POLR3A: variants seen among roughly 807,000 people sequenced by gnomAD.
The protein encoded by POLR3A is RNA polymerase III subunit A.
A neutral mutation model predicts 152.8 loss-of-function variants in POLR3A; 112 were observed. The ratio of observed to expected loss-of-function variants is 0.73; its 90% CI spans 0.63 to 0.86. POLR3A has a LOEUF of 0.86. Among genes scored for constraint, POLR3A ranks in the 40% least tolerant of loss-of-function variants. The probability of loss-of-function intolerance (pLI) is 0.00; values close to 1 mark genes in which losing one functional copy is unlikely to be tolerated. For synonymous variants in POLR3A, 615 were observed against 652.1 expected, an observed-to-expected ratio of 0.94 and a Z score of 0.87; for missense variants, 1,385 against 1,743.1, an observed-to-expected ratio of 0.79 and a Z score of 3.66.
chr10:78,013,497 A>G, intron 11 of POLR3A, 153 bp downstream of exon 11: 1 of 735,988 alleles, frequency 1.4e-6, no homozygotes, highest in South Asian at 1.5e-5. Context: ...ACCAATAAAA[A>G]GAGAGATATA....
At position 77,979,468 on chromosome 10, in the gene POLR3A, C is replaced by T. The variant is rs138953615; in HGVS notation, c.4024+673G>A. Among the ~76,000 whole-genome samples, 441 of 152,336 alleles carry T rather than the reference C, an allele frequency of 2.9e-3. 3 individuals carry two copies. Among genetic ancestry groups the T allele is most frequent in the African/African-American group, 0.01 (424 of 41,580 alleles). On this transcript the variant is annotated intron_variant, in intron 30 of 30. Coordinates refer to ENST00000372371, the MANE Select transcript of POLR3A (RefSeq NM_007055.4). Reference sequence around the variant, plus strand: ...AGCTCAGCAGTCAGTGCTGGTCTCACGGAAGAGGCAGGGAAGCCAGACACT... The same window carrying T: ...AGCTCAGCAGTCAGTGCTGGTCTCATGGAAGAGGCAGGGAAGCCAGACACT...
At position 78,009,952 on chromosome 10, in the gene POLR3A, C is replaced by A; in HGVS notation, c.1682G>T (p.Arg561Leu). ...AGCAATGATTTGGCAAGCCTTGGCT[C>A]GATCAAAGAAAGTGTCCTTGAGAGT... ...LLTLKDTFFD[R>L]AKACQIIASI... Residue 561 changes from arginine to leucine, a missense_variant, in exon 13 of 31, where the codon CGA becomes CTA. Physicochemically the swap from Arg to Leu is moderately radical, Grantham distance 102. Transcript: ENST00000372371. 6.2e-7 allele frequency: 1 copy of A among 1,614,010 alleles called. No individual in the cohort carries two copies. Among genetic ancestry groups the A allele is most frequent in the Non-Finnish European group, 8.5e-7 (1 of 1,180,012 alleles).
In POLR3A at chr10:78,025,003, T is replaced by G; in HGVS notation, c.458A>C (p.Lys153Thr). The part of the protein sequence containing the change: ...KKKISDKCRK[K>T]NICHHCGAFN... ...AGCGCCACAGTGATGGCAGATGTTT[T>G]TCTTCCGGCACTTGTCAGAGATTTT... The change falls in exon 4 of 31, where the codon AAA becomes ACA. Residue 153 changes from lysine to threonine, a missense_variant. By Grantham distance (78) the Lys-to-Thr change is moderately conservative. Transcript: ENST00000372371. 3.1e-6 allele frequency: 5 copies of G among 1,614,232 alleles called. No homozygotes were observed. Among genetic ancestry groups the G allele is most frequent in the Non-Finnish European group, 4.2e-6 (5 of 1,180,048 alleles).
rs1478182537 is a variant in POLR3A, at chr10:77,977,478, C to T, written c.4173G>A (p.Ter1391=). 1.2e-6 allele frequency: 2 copies of T among 1,614,060 alleles called. No homozygotes were observed. Among genetic ancestry groups the T allele is most frequent in the Non-Finnish European group, 1.7e-6 (2 of 1,179,976 alleles). Residue 1391 remains the stop codon, a stop_retained_variant, in exon 31 of 31, where the codon TAG becomes TAA. Transcript: ENST00000372371. ...TNEFHIPLVT[*] ...AGGCATGGTCCCCTCTTTCTTTGGA[C>T]TATGTGACAAGGGGGATGTGGAATT... is the stretch of plus-strand genomic sequence containing the variant.
chr10:77,992,863 T>TAA (rs1003093468), intron 20 of POLR3A, among the ~76,000 whole-genome samples: 3 of 143,066 alleles, frequency 2.1e-5, no homozygotes, highest in African/African-American at 5.1e-5. Context: ...TATTGGAAAG[T>TAA]AAAAAAAAAA....
At chr10:78,013,982 C>T (rs1382376300) in intron 10 of POLR3A, among the ~76,000 whole-genome samples, 192 bp from the exon 11 acceptor site, 1 of 152,062 alleles carries the variant, frequency 6.6e-6, no homozygotes, top group Non-Finnish European at 1.5e-5. Context: ...CATGGTGAAA[C>T]CCCATCTCTA....
chr10:77,998,727 G>A (rs1410309609), intron 19 of POLR3A, among the ~76,000 whole-genome samples: 1 of 152,234 alleles, frequency 6.6e-6, no homozygotes, highest in East Asian at 1.9e-4. Flanking sequence ...TTCAACCATT[G>A]TGGAAGTCAG....
intron 21 of POLR3A, 80 bp from the exon 22 acceptor site, chr10:77,986,239 G>T: frequency 1.2e-6 from 1 of 813,192 alleles, no homozygotes; most frequent in Non-Finnish European, 2.2e-6. Context: ...AACCTCAGTT[G>T]TATATGACAA....
intron 1 of POLR3A, among the ~76,000 whole-genome samples, chr10:78,028,327 C>T (rs527354967): frequency 3.3e-5 from 5 of 152,224 alleles, no homozygotes; most frequent in Admixed American, 3.3e-4. Context: ...TTTGCCTGGA[C>T]CCATTATGTG....
chr10:78,025,944 G>T, intron 2 of POLR3A, 150 bp downstream of exon 2: 1 of 1,176,970 alleles, frequency 8.5e-7, no homozygotes, highest in South Asian at 1.3e-5. Context: ...TCAGGTTGCT[G>T]ACTAAAGGCC....
chr10:78,021,367 G>A (rs1427111997), intron 8 of POLR3A, among the ~76,000 whole-genome samples, 179 bp downstream of exon 8: 1 of 152,216 alleles, frequency 6.6e-6, no homozygotes, highest in Non-Finnish European at 1.5e-5. Flanking sequence ...ATGGTTTACA[G>A]AATATATACC....
intron 10 of POLR3A, among the ~76,000 whole-genome samples, chr10:78,015,610 C>T (rs535299701): frequency 6.6e-6 from 1 of 151,870 alleles, no homozygotes; most frequent in South Asian, 2.1e-4. Context: ...AGGCATGAGC[C>T]ATCACACCTG....
At position 77,984,168 on chromosome 10, in the gene POLR3A, G is replaced by T. The variant is rs537653222; in HGVS notation, c.3336+37C>A. 11 of 1,393,088 alleles carry T rather than the reference G, an allele frequency of 7.9e-6. No homozygotes were observed. In the South Asian group the frequency reaches 1.3e-4, roughly 16 times the overall value. The allele number at this position is 1,393,088 out of a possible 1,614,324, so 86.3% of individuals were successfully genotyped here. On this transcript the variant is annotated intron_variant, in intron 25 of 30. Coordinates refer to ENST00000372371, the MANE Select transcript of POLR3A (RefSeq NM_007055.4). ...TTACACTTCCTTGCAACATTGCTGA[G>T]CTAGTTTTCTTGTTATCAATAGGGA... is the stretch of plus-strand genomic sequence containing the variant.
chr10:78,017,053 T>G (rs752092889), intron 10 of POLR3A, among the ~76,000 whole-genome samples: 1 of 152,034 alleles, frequency 6.6e-6, no homozygotes, highest in Non-Finnish European at 1.5e-5. Flanking sequence ...TAAAAAATAT[T>G]AAAGCTTACT....
intron 24 of POLR3A, among the ~76,000 whole-genome samples, chr10:77,984,517 G>A (rs1468411170): frequency 2.6e-5 from 4 of 152,064 alleles, no homozygotes; most frequent in African/African-American, 9.7e-5. Flanking sequence ...CTAATTTTTT[G>A]TATTTTTAGT....
chr10:78,007,999 A>T, intron 14 of POLR3A, 133 bp from the exon 15 acceptor site: 4 of 138,738 alleles, frequency 2.9e-5, no homozygotes, highest in South Asian at 9.9e-5. Context: ...TTCTCCTCAA[A>T]GCTTTTTTTT....
intron 10 of POLR3A, 98 bp from the exon 11 acceptor site, chr10:78,013,888 T>A: frequency 7.3e-7 from 1 of 1,364,036 alleles, no homozygotes. Context: ...CCTGGAATAC[T>A]GGGCACTGGC....
intron 12 of POLR3A, among the ~76,000 whole-genome samples, 169 bp from the exon 13 acceptor site, chr10:78,010,160 A>T (rs1387445011): frequency 2.6e-5 from 4 of 152,208 alleles, no homozygotes; most frequent in African/African-American, 9.6e-5. Flanking sequence ...CAGGAACGTG[A>T]CTTTGTTTTG....
intron 11 of POLR3A, among the ~76,000 whole-genome samples, chr10:78,011,209 G>A (rs185721139): frequency 5.3e-5 from 8 of 152,262 alleles, no homozygotes; most frequent in East Asian, 1.9e-4. Context: ...GATGAGGAGC[G>A]TTGTGACCTC....
Sources: gnomAD v4.1 joint callset for allele counts (sites outside exome capture counted in the v4.1 genomes callset) on GRCh38, gnomAD v4.1.1 for gene constraint, MANE v1.5 for transcripts, NCBI Gene and HGNC (gene_info 2026-07-23, HGNC 2026-07-21) for gene names.